Variants in BCHE observed in about 807,000 individuals in gnomAD.
BCHE encodes butyrylcholinesterase.
BCHE carries 48 observed loss-of-function variants against 51.3 expected under a neutral mutation model. The observed-to-expected ratio is 0.94, with a 90% CI of 0.74 to 1.19. BCHE has a LOEUF of 1.19. BCHE is among the 50% of genes most tolerant of loss of function. The pLI is 0.00. For missense variants in BCHE, 847 were observed against 708.2 expected (o/e 1.20, Z -2.23); for synonymous variants, 251 against 238.0 (o/e 1.05, Z -0.50).
chr3:165,830,296 G>A lies in BCHE; in HGVS notation c.738C>T (p.Thr246=), dbSNP rs1208573559. 1 of 1,613,974 alleles carries A rather than the reference G, an allele frequency of 6.2e-7. No homozygotes were observed. Among genetic ancestry groups the A allele is most frequent in the Admixed American group, 1.7e-5 (1 of 59,976 alleles). The change falls in exon 2 of 4, where the codon ACC becomes ACT. Residue 246 remains threonine (T), a synonymous_variant. Coordinates refer to ENST00000264381, the MANE Select transcript of BCHE (RefSeq NM_000055.4). The part of the protein sequence containing the change: ...LLSPGSHSLF[T]RAILQSGSFN... ...AGGATCCACTTTGCAGAATGGCTCT[G>A]GTGAACAATGAATGGCTTCCAGGAG...
chr3:165,815,325 T>C (rs887753097), intron 2 of BCHE, among the ~76,000 whole-genome samples: 2 of 151,606 alleles, frequency 1.3e-5, no homozygotes, highest in Admixed American at 6.6e-5. Flanking sequence ...AAAATTCTAA[T>C]AGAGAGGGAG....
intron 2 of BCHE, among the ~76,000 whole-genome samples, chr3:165,812,988 A>AT (rs1714163892): frequency 6.6e-6 from 1 of 151,848 alleles, no homozygotes; most frequent in South Asian, 2.1e-4. Flanking sequence ...ATGCAATAGG[A>AT]TTTTTACATT....
In BCHE at chr3:165,830,093, A is replaced by T. The variant is rs142586213; in HGVS notation, c.941T>A (p.Leu314Ter). 1 of 1,613,598 alleles carries T rather than the reference A, an allele frequency of 6.2e-7. No homozygotes were observed. The highest frequency in any genetic ancestry group is 1.3e-5 in the African/African-American group (1 of 74,880). The change falls in exon 2 of 4, where the codon TTG (leucine) becomes TAG (stop). Residue 314 changes from leucine to a stop codon, truncating the protein, a stop_gained. Transcript: ENST00000264381. LOFTEE classifies it high-confidence loss of function. Reference protein sequence around the residue: ...EAFVVPYGTPLSVNFGPTVDG... With the variant: ...EAFVVPYGTP ...CACGGTCGGACCAAAGTTTACTGAC[A>T]AAGGAGTCCCATAGGGGACAACAAA...
At chr3:165,785,698 GT>G (rs751356610) in intron 3 of BCHE, among the ~76,000 whole-genome samples, 1 of 151,344 alleles carries the variant, frequency 6.6e-6, no homozygotes, top group Non-Finnish European at 1.5e-5. Flanking sequence ...AAACTTCGGA[GT>G]TTTTTTCTCC....
intron 2 of BCHE, among the ~76,000 whole-genome samples, chr3:165,796,008 C>T (rs2108209763): frequency 6.6e-6 from 1 of 152,056 alleles, no homozygotes; most frequent in South Asian, 2.1e-4. Flanking sequence ...TGATCCTTTA[C>T]ACAAATTTGA....
At position 165,829,790 on chromosome 3, in the gene BCHE, T is replaced by A. The variant is rs1185093109; in HGVS notation, c.1244A>T (p.Glu415Val). The A allele has an allele frequency of 6.2e-7, 1 of 1,613,902 alleles. No individual in the cohort carries two copies. ...VDDQRPENYR[E>V]ALGDVVGDYN... ...ATCCCCAACAACATCACCCAAGGCC[T>A]CACGGTAGTTTTCAGGTCTCTGATC... The change falls in exon 2 of 4, where the codon GAG becomes GTG. Residue 415 changes from glutamate (E) to valine (V), a missense_variant. Coordinates refer to ENST00000264381, the MANE Select transcript of BCHE (RefSeq NM_000055.4).
At chr3:165,784,206 G>A (rs1171586290) in intron 3 of BCHE, among the ~76,000 whole-genome samples, 1 of 151,886 alleles carries the variant, frequency 6.6e-6, no homozygotes, top group Non-Finnish European at 1.5e-5. Context: ...AATATTTGAA[G>A]TTTTGTGACT....
At chr3:165,792,930 A>G (rs1179252584) in intron 2 of BCHE, among the ~76,000 whole-genome samples, 1 of 152,148 alleles carries the variant, frequency 6.6e-6, no homozygotes, top group African/African-American at 2.4e-5. Context: ...TCCTATAAAC[A>G]ATGTCTTTTA....
At chr3:165,832,669 G>A (rs181032501) in intron 1 of BCHE, among the ~76,000 whole-genome samples, 3 of 152,184 alleles carry the variant, frequency 2.0e-5, no homozygotes, top group Non-Finnish European at 1.5e-5. Flanking sequence ...TAATAACAAA[G>A]ATCCATTAAT....
At chr3:165,836,403 T>G (rs1272305498) in intron 1 of BCHE, among the ~76,000 whole-genome samples, 2 of 151,946 alleles carry the variant, frequency 1.3e-5, no homozygotes, top group South Asian at 4.1e-4. Context: ...CAGGAGCTCC[T>G]AATTGAGTTT....
At position 165,779,256 on chromosome 3, in the gene BCHE, T is replaced by A. The variant is rs144622712; in HGVS notation, c.1685-5750A>T. Among the ~76,000 whole-genome samples, 837 of 152,218 alleles carry A rather than the reference T, an allele frequency of 5.5e-3. 2 individuals are homozygous for A. The highest frequency in any genetic ancestry group is 8.6e-3 in the Non-Finnish European group (583 of 68,026). On this transcript the variant is annotated intron_variant, in intron 3 of 3. Transcript: ENST00000264381. ...TGTTAAAAATTCTCAATAAACTAGG[T>A]ATTGATGGAACATATCTCAAAATAA... is the stretch of plus-strand genomic sequence containing the variant.
chr3:165,802,083 C>T (rs1328450807), intron 2 of BCHE, among the ~76,000 whole-genome samples: 1 of 152,186 alleles, frequency 6.6e-6, no homozygotes, highest in East Asian at 1.9e-4. Context: ...GCACATTACA[C>T]TCTGAGGTGA....
chr3:165,798,808 G>C (rs1022842647), intron 2 of BCHE, among the ~76,000 whole-genome samples: 2 of 116,178 alleles, frequency 1.7e-5, no homozygotes, highest in Admixed American at 2.0e-4. Context: ...GGGCAACATA[G>C]TGAGCTCCCC....
At position 165,830,566 on chromosome 3, in the gene BCHE, A is replaced by G. The variant is rs1714930290; in HGVS notation, c.468T>C (p.Tyr156=). ...FQTGTSSLHV[Y]DGKFLARVER... is the part of the protein sequence containing the mutation. ...CAACCCGAGCCAGAAACTTGCCATC[A>G]TAAACATGTAAAGATGATGTTCCAG... Residue 156 remains tyrosine (Y), a synonymous_variant, in exon 2 of 4, where the codon TAT becomes TAC. Transcript: ENST00000264381. 1 of 1,613,926 alleles carries G rather than the reference A, an allele frequency of 6.2e-7. No homozygotes were observed. Among genetic ancestry groups the G allele is most frequent in the African/African-American group, 1.3e-5 (1 of 74,928 alleles).
At chr3:165,835,869 G>T (rs1229919307) in intron 1 of BCHE, among the ~76,000 whole-genome samples, 1 of 151,844 alleles carries the variant, frequency 6.6e-6, no homozygotes, top group Non-Finnish European at 1.5e-5. Context: ...CTCTTAGGTT[G>T]CTATCTATTC....
chr3:165,830,029 AAG>A lies in BCHE; in HGVS notation c.1003_1004del (p.Leu335Ter). On this transcript the variant is annotated frameshift_variant, in exon 2 of 4. Transcript: ENST00000264381. LOFTEE classifies it high-confidence loss of function. ...GGGTTTTTTTAAATTGTCCAAGTTC[AAG>A]TAATATGTCTGGCATGTCAGTGAGA... ...DFLTDMPDIL[L>X]ELGQFKKTQI... 1 of 1,613,804 alleles carries A rather than the reference AAG, an allele frequency of 6.2e-7. No homozygotes were observed. The highest frequency in any genetic ancestry group is 8.5e-7 in the Non-Finnish European group (1 of 1,179,892).
At chr3:165,837,098 A>C (rs1442240830) in intron 1 of BCHE, among the ~76,000 whole-genome samples, 1 of 152,114 alleles carries the variant, frequency 6.6e-6, no homozygotes, top group African/African-American at 2.4e-5. Context: ...CTCAGCAGTT[A>C]AATAAACAAA....
chr3:165,836,782 A>G (rs1715205637), intron 1 of BCHE, among the ~76,000 whole-genome samples: 1 of 152,194 alleles, frequency 6.6e-6, no homozygotes, highest in Non-Finnish European at 1.5e-5. Flanking sequence ...GTTTTTATTT[A>G]CATAAAATAA....
chr3:165,813,334 A>G (rs1714180859), intron 2 of BCHE, among the ~76,000 whole-genome samples: 2 of 151,592 alleles, frequency 1.3e-5, no homozygotes, highest in African/African-American at 4.8e-5. Context: ...TTTTATACTC[A>G]TATTTTCTTC....
Sources: gnomAD v4.1 joint callset for allele counts (sites outside exome capture counted in the v4.1 genomes callset) on GRCh38, gnomAD v4.1.1 for gene constraint, MANE v1.5 for transcripts, NCBI Gene and HGNC (gene_info 2026-07-23, HGNC 2026-07-21) for gene names.